Variants in CYP24A1 observed in about 807,000 individuals in gnomAD.
CYP24A1 encodes cytochrome P450 family 24 subfamily A member 1, also known as 1,25-dihydroxyvitamin D(3) 24-hydroxylase, mitochondrial.
In CYP24A1, 68 loss-of-function variants were observed where a neutral mutation model predicts 62.4. The observed-to-expected ratio is 1.09, with a 90% CI of 0.90 to 1.33. The LOEUF (loss-of-function observed/expected upper bound fraction) is 1.33. Among genes scored for constraint, CYP24A1 ranks in the 40% most tolerant of loss-of-function variants. The pLI is 0.00. For synonymous variants in CYP24A1, 267 were observed against 253.0 expected (o/e 1.06, Z -0.52); for missense variants, 787 against 653.0 (o/e 1.21, Z -2.24).
chr20:54,160,909 A>G (rs976905112), intron 7 of CYP24A1, among the ~76,000 whole-genome samples: 1 of 152,222 alleles, frequency 6.6e-6, no homozygotes, highest in Non-Finnish European at 1.5e-5. Context: ...GGCACAAACT[A>G]TCCTTGATTG....
chr20:54,171,904 C>A, intron 2 of CYP24A1: 1 of 1,074,568 alleles, frequency 9.3e-7, no homozygotes. Flanking sequence ...AAAGATTGCA[C>A]CAAAAAGTTG....
At chr20:54,154,939 TAAAAAAAAAAAAAAAAAAAAAAAAAAAAA>T (rs61165834) in intron 11 of CYP24A1, 178 bp from the exon 12 acceptor site, 1 of 49,824 alleles carries the variant, frequency 2.0e-5, no homozygotes, top group East Asian at 9.1e-4. Flanking sequence ...TTGGTCTTGG[TAAAAAAAAAAAAAAAAAAAAAAAAAAAAA>T]AAAAAAAAAA....
Position 54,173,517 on chromosome 20 carries a change from C to T in CYP24A1, c.63G>A (p.Pro21=). 1 of 1,571,284 alleles carries T rather than the reference C, an allele frequency of 6.4e-7. No individual in the cohort carries two copies. The highest frequency in any genetic ancestry group is 8.6e-7 in the Non-Finnish European group (1 of 1,159,488). Residue 21 remains proline, a synonymous_variant, in exon 1 of 12, where the codon CCG becomes CCA. Transcript: ENST00000216862. The surrounding 1 kb of genome is among the most constrained non-coding windows in gnomAD (Gnocchi z 7.2). ...ATGTCACCAGTCTCGGGGGCTGCCT[C>T]GGACTGCGCAGCTGCTGCAGGAAGG... is the stretch of plus-strand genomic sequence containing the variant. ...LAAFLQQLRS[P]RQPPRLVTST...
the CYP24A1 span, among the ~76,000 whole-genome samples, chr20:54,145,819 G>C: frequency 6.6e-6 from 1 of 152,208 alleles, no homozygotes; most frequent in Admixed American, 6.5e-5. Flanking sequence ...CACAGGCTCC[G>C]CCACACTTAA....
chr20:54,170,544 T>G (rs2092690457), intron 3 of CYP24A1, among the ~76,000 whole-genome samples: 1 of 149,862 alleles, frequency 6.7e-6, no homozygotes, highest in South Asian at 2.1e-4. Flanking sequence ...CATTTAAAAG[T>G]TCTTTGAATT....
intron 4 of CYP24A1, among the ~76,000 whole-genome samples, chr20:54,167,569 C>A (rs899014315): frequency 6.6e-6 from 1 of 152,066 alleles, no homozygotes; most frequent in Admixed American, 6.5e-5. Context: ...GTCAGCAGTT[C>A]GAGACCAGCC....
rs2092698546 is a variant in CYP24A1 at position 54,172,848 on chromosome 20, C to T, written c.449+61G>A. ...CTCTAACTCCGCCTCTTCACAATTTCCAGGCGCCGTCAGGCTCATCAGGTC... is the reference window on the plus strand; with the variant it reads ...CTCTAACTCCGCCTCTTCACAATTTTCAGGCGCCGTCAGGCTCATCAGGTC... On this transcript the variant is annotated intron_variant, in intron 2 of 11. Transcript: ENST00000216862. The T allele has an allele frequency of 3.1e-6, 5 of 1,610,226 alleles. No homozygotes were observed. The East Asian group carries it at 8.9e-5, about 29-fold the overall frequency.
intron 7 of CYP24A1, among the ~76,000 whole-genome samples, chr20:54,160,554 C>G (rs952344319): frequency 4.6e-5 from 7 of 152,224 alleles, no homozygotes; most frequent in African/African-American, 1.7e-4. Context: ...AGGCAGTCTT[C>G]TTCATGTCAG....
chr20:54,161,685 G>C (rs1011018627), intron 7 of CYP24A1, among the ~76,000 whole-genome samples: 1 of 151,958 alleles, frequency 6.6e-6, no homozygotes, highest in African/African-American at 2.4e-5. Context: ...AAAAATAAAA[G>C]AATAATGGGT....
intron 6 of CYP24A1, among the ~76,000 whole-genome samples, chr20:54,163,471 A>T (rs2092659975): frequency 6.6e-6 from 1 of 152,226 alleles, no homozygotes; most frequent in African/African-American, 2.4e-5. Flanking sequence ...TGCTGATCAC[A>T]TATGGCACAG....
chr20:54,162,586 C>CCGTGGTATAGA (rs1378368301), intron 7 of CYP24A1, 131 bp downstream of exon 7: 6 of 747,214 alleles, frequency 8.0e-6, no homozygotes, highest in East Asian at 5.1e-5. Context: ...TAGTATGAGA[C>CCGTGGTATAGA]TTTTCATTTT....
the CYP24A1 span, among the ~76,000 whole-genome samples, chr20:54,148,323 T>C: frequency 6.6e-6 from 1 of 151,730 alleles, no homozygotes; most frequent in Non-Finnish European, 1.5e-5. Context: ...TTTACTACTT[T>C]GGTTTTGTCC....
chr20:54,163,159 C>A (rs1325325000), intron 6 of CYP24A1, among the ~76,000 whole-genome samples: 1 of 152,120 alleles, frequency 6.6e-6, no homozygotes, highest in Non-Finnish European at 1.5e-5. Context: ...CTCTGCATTC[C>A]TAATAAGCTT....
chr20:54,164,582 C>A lies in CYP24A1; in HGVS notation c.733-19G>T. The A allele has an allele frequency of 3.1e-6, 5 of 1,614,092 alleles. No homozygotes were observed. The highest frequency in any genetic ancestry group is 2.2e-5 in the East Asian group (1 of 44,874). On this transcript the variant is annotated intron_variant, in intron 5 of 11. Coordinates refer to ENST00000216862, the MANE Select transcript of CYP24A1 (RefSeq NM_000782.5). The stretch of plus-strand genomic sequence containing the variant: ...TCATCATCTGAGAGAAATGCAAATG[C>A]CTTTTTATTCTGAATTCTCCTTCTC...
chr20:54,145,559 G>T, the CYP24A1 span, among the ~76,000 whole-genome samples: 1 of 147,902 alleles, frequency 6.8e-6, no homozygotes, highest in Non-Finnish European at 1.5e-5. Flanking sequence ...AGAATCTCTT[G>T]TACCCGGGAG....
chr20:54,168,865 T>G (rs138382373), intron 4 of CYP24A1, among the ~76,000 whole-genome samples: 1 of 42,630 alleles, frequency 2.3e-5, no homozygotes, highest in Non-Finnish European at 4.8e-5. Flanking sequence ...CTTCCTTCCT[T>G]CCTTCCTTCC....
chr20:54,157,028 G>A (rs1195470341), intron 11 of CYP24A1, 141 bp downstream of exon 11: 2 of 634,752 alleles, frequency 3.2e-6, no homozygotes, highest in Non-Finnish European at 5.7e-6. Flanking sequence ...GAAGTAGAGA[G>A]TTTAGGGAAC....
chr20:54,168,485 G>A (rs2092680321), intron 4 of CYP24A1, among the ~76,000 whole-genome samples: 1 of 152,074 alleles, frequency 6.6e-6, no homozygotes. Flanking sequence ...CACACCAGCA[G>A]CTTGAAGTTC....
intron 9 of CYP24A1, 40 bp downstream of exon 9, chr20:54,158,046 C>T (rs2092635893): frequency 6.2e-7 from 1 of 1,610,532 alleles, no homozygotes; most frequent in African/African-American, 1.3e-5. Flanking sequence ...GTGTATCTTC[C>T]AAGGTTTTGT....
Sources: gnomAD v4.1 joint callset for allele counts (sites outside exome capture counted in the v4.1 genomes callset) on GRCh38, gnomAD v4.1.1 for gene constraint, Gnocchi (gnomAD v3.1) non-coding constraint, MANE v1.5 for transcripts, NCBI Gene and HGNC (gene_info 2026-07-23, HGNC 2026-07-21) for gene names.